The following EGFR variants were observed in gnomAD, a reference collection of about 807,000 sequenced individuals.
EGFR encodes the protein avian erythroblastic leukemia viral (v-erb-b) oncogene homolog.
A neutral mutation model predicts 143.0 loss-of-function variants in EGFR; 58 were observed. That is an observed-to-expected ratio of 0.41 (90% CI 0.33 to 0.50). The LOEUF (loss-of-function observed/expected upper bound fraction) is 0.50, where lower values mean the gene tolerates loss of function less well. Ranked by LOEUF, EGFR falls within the 20% of genes least tolerant of loss-of-function variation. The probability of loss-of-function intolerance (pLI) is 0.39; values close to 1 mark genes in which losing one functional copy is unlikely to be tolerated. For missense variants in EGFR, 1,307 were observed against 1,579.0 expected, an observed-to-expected ratio of 0.83 and a Z score of 2.92; for synonymous variants, 613 against 594.4, an observed-to-expected ratio of 1.03 and a Z score of -0.45.
chr7:55,037,099 A>G (rs1336342458), intron 1 of EGFR, among the ~76,000 whole-genome samples: 2 of 152,240 alleles, frequency 1.3e-5, no homozygotes, highest in Admixed American at 1.3e-4. Flanking sequence ...TGATCCTTAC[A>G]CTAATTGTAT....
intron 2 of EGFR, among the ~76,000 whole-genome samples, 200 bp from the exon 3 acceptor site, chr7:55,143,105 A>G (rs1010672115): frequency 2.0e-5 from 3 of 152,224 alleles, no homozygotes; most frequent in African/African-American, 7.2e-5. Flanking sequence ...TCAAAGGCTA[A>G]CGTGCAGGGA....
intron 3 of EGFR, among the ~76,000 whole-genome samples, chr7:55,145,455 G>A (rs1248020499): frequency 6.6e-6 from 1 of 152,206 alleles, no homozygotes; most frequent in Non-Finnish European, 1.5e-5. Flanking sequence ...CACTGAAGAA[G>A]CCTGTTCCAC....
intron 27 of EGFR, among the ~76,000 whole-genome samples, chr7:55,203,823 G>C (rs1787981309): frequency 6.6e-6 from 1 of 150,892 alleles, no homozygotes; most frequent in Non-Finnish European, 1.5e-5. Flanking sequence ...TAAAGATTTA[G>C]ATATATATAA....
chr7:55,092,810 G>A (rs765621799), intron 1 of EGFR, among the ~76,000 whole-genome samples: 8 of 152,242 alleles, frequency 5.3e-5, no homozygotes, highest in African/African-American at 1.4e-4. Context: ...GTGTGGGACC[G>A]GCACCGTATC....
At chr7:55,025,701 T>G (rs1786840283) in intron 1 of EGFR, among the ~76,000 whole-genome samples, 2 of 152,174 alleles carry the variant, frequency 1.3e-5, no homozygotes, top group Admixed American at 1.3e-4. Context: ...TCTCACAGTT[T>G]CCTGGCTCCA....
At chr7:55,181,532 ATGCGGTC>A in intron 20 of EGFR, 54 bp downstream of exon 20, 2 of 1,608,794 alleles carry the variant, frequency 1.2e-6, no homozygotes, top group Non-Finnish European at 1.7e-6. Context: ...GGATCCTCAC[ATGCGGTC>A]TGCGCTCCTG....
Position 55,143,394 on chromosome 7 carries a change from T to C in EGFR, c.330T>C (p.Asn110=), listed in dbSNP as rs1417743488. 1 of 1,614,146 alleles carries C rather than the reference T, an allele frequency of 6.2e-7. No individual in the cohort carries two copies. Among genetic ancestry groups the C allele is most frequent in the East Asian group, 2.2e-5 (1 of 44,884 alleles). ...PLENLQIIRG[N]MYYENSYALA... The stretch of plus-strand genomic sequence containing the variant: ...AAAACCTGCAGATCATCAGAGGAAA[T>C]ATGTACTACGAAAATTCCTATGCCT... Residue 110 remains asparagine, a synonymous_variant, in exon 3 of 28, where the codon AAT becomes AAC. Transcript: ENST00000275493.
Position 55,191,742 on chromosome 7 carries a change from T to C in EGFR, c.2493T>C (p.Arg831=), listed in dbSNP as rs182196240. 5.6e-6 allele frequency: 9 copies of C among 1,613,940 alleles called. No homozygotes were observed. Among genetic ancestry groups the C allele is most frequent in the East Asian group, 2.2e-5 (1 of 44,846 alleles). The change falls in exon 21 of 28, where the codon CGT becomes CGC. Residue 831 remains arginine (R), a synonymous_variant. Transcript: ENST00000275493. Reference sequence around the variant, plus strand: ...AGGGCATGAACTACTTGGAGGACCGTCGCTTGGTGCACCGCGACCTGGCAG... The same window carrying C: ...AGGGCATGAACTACTTGGAGGACCGCCGCTTGGTGCACCGCGACCTGGCAG... The part of the protein sequence containing the change: ...IAKGMNYLED[R]RLVHRDLAAR...
chr7:55,179,661 T>A (rs553892442), intron 19 of EGFR: 1 of 152,342 alleles, frequency 6.6e-6, no homozygotes, highest in East Asian at 1.9e-4. Context: ...TATTTGTATT[T>A]TAGTAAATAT....
chr7:55,026,298 C>T (rs547330425), intron 1 of EGFR, among the ~76,000 whole-genome samples: 1 of 152,160 alleles, frequency 6.6e-6, no homozygotes. Flanking sequence ...AAATCAGTTC[C>T]AGAGTCACAT....
chr7:55,126,030 C>T (rs1793504363), intron 1 of EGFR, among the ~76,000 whole-genome samples: 1 of 152,206 alleles, frequency 6.6e-6, no homozygotes, highest in Non-Finnish European at 1.5e-5. Context: ...TCTCCTCCTG[C>T]CCTGCCAGGA....
intron 1 of EGFR, among the ~76,000 whole-genome samples, chr7:55,105,137 C>T (rs907055143): frequency 3.9e-5 from 6 of 152,170 alleles, no homozygotes; most frequent in Non-Finnish European, 7.3e-5. Flanking sequence ...GAGGAGCTTG[C>T]GGTTGTTACA....
At position 55,170,554 on chromosome 7, in the gene EGFR, C is replaced by T. The variant is rs777057963; in HGVS notation, c.1881-621C>T. 4 of 1,612,736 alleles carry T rather than the reference C, an allele frequency of 2.5e-6. No individual in the cohort carries two copies. The South Asian group carries it at 4.4e-5, about 18-fold the overall frequency. On this transcript the variant is annotated intron_variant, in intron 15 of 27. Coordinates refer to ENST00000275493, the MANE Select transcript of EGFR (RefSeq NM_005228.5). The stretch of plus-strand genomic sequence containing the variant: ...CTCCTCCTGCCACTGAGCCTCATGC[C>T]TTCACGTGTCTGTTCCCCCCGCTTT...
chr7:55,176,726 A>C (rs907119452), intron 19 of EGFR, among the ~76,000 whole-genome samples: 1 of 150,662 alleles, frequency 6.6e-6, no homozygotes. Flanking sequence ...AAATAGTTAG[A>C]TATAAATATT....
intron 1 of EGFR, among the ~76,000 whole-genome samples, chr7:55,119,624 C>T (rs1463615096): frequency 6.6e-6 from 1 of 152,198 alleles, no homozygotes; most frequent in Admixed American, 6.5e-5. Flanking sequence ...TCCCAAGGAT[C>T]CCTTTGTAGC....
At chr7:55,091,881 CACA>C (rs1791142566) in intron 1 of EGFR, among the ~76,000 whole-genome samples, 2 of 151,378 alleles carry the variant, frequency 1.3e-5, no homozygotes, top group Non-Finnish European at 2.9e-5. Flanking sequence ...CACACACACA[CACA>C]CACACACCCT....
At chr7:55,123,692 T>C (rs1793346583) in intron 1 of EGFR, among the ~76,000 whole-genome samples, 1 of 152,140 alleles carries the variant, frequency 6.6e-6, no homozygotes, top group Non-Finnish European at 1.5e-5. Flanking sequence ...GATATGAATG[T>C]CAATTCAAAT....
intron 16 of EGFR, among the ~76,000 whole-genome samples, chr7:55,172,235 T>A (rs545828093): frequency 4.1e-4 from 63 of 152,350 alleles, no homozygotes; most frequent in African/African-American, 1.3e-3. Flanking sequence ...CTTACTCTTG[T>A]GGCGCCCTAT....
At chr7:55,195,767 C>T (rs531397546) in intron 22 of EGFR, among the ~76,000 whole-genome samples, 7 of 152,210 alleles carry the variant, frequency 4.6e-5, no homozygotes, top group Admixed American at 1.3e-4. Flanking sequence ...TAAGAACATG[C>T]GGTATTTGAT....
Sources: gnomAD v4.1 joint callset for allele counts (sites outside exome capture counted in the v4.1 genomes callset) on GRCh38, gnomAD v4.1.1 for gene constraint, MANE v1.5 for transcripts, NCBI Gene and HGNC (gene_info 2026-07-23, HGNC 2026-07-21) for gene names.